PALLD: variants seen among roughly 807,000 people sequenced by gnomAD.
PALLD encodes palladin, cytoskeletal associated protein.
Under a neutral mutation model 123.5 loss-of-function variants are expected in PALLD, and 61 were observed. The ratio of observed to expected loss-of-function variants is 0.49; its 90% CI spans 0.40 to 0.61. The LOEUF (loss-of-function observed/expected upper bound fraction) is 0.61. Ranked by LOEUF, PALLD falls within the 20% of genes least tolerant of loss-of-function variation. The pLI is 0.00. For missense variants in PALLD, 1,273 were observed against 1,377.0 expected, an observed-to-expected ratio of 0.92 and a Z score of 1.20; for synonymous variants, 465 against 496.4, an observed-to-expected ratio of 0.94 and a Z score of 0.84.
chr4:168,711,627 T>C lies in PALLD; in HGVS notation c.1668T>C (p.Asn556=). The C allele has an allele frequency of 6.2e-7, 1 of 1,614,142 alleles. No homozygotes were observed. Among genetic ancestry groups the C allele is most frequent in the Non-Finnish European group, 8.5e-7 (1 of 1,180,012 alleles). Residue 556 remains asparagine (N), a synonymous_variant, in exon 10 of 22, where the codon AAT becomes AAC. Transcript: ENST00000505667. ...ACGAGTCAATGGGAGAATCCAACAA[T>C]GACCACTTCCAACACTTTCCACCTC... ...CSYESMGESN[N]DHFQHFPPPP...
intron 17 of PALLD, among the ~76,000 whole-genome samples, chr4:168,917,383 G>T (rs920040014): frequency 1.3e-5 from 2 of 152,108 alleles, no homozygotes; most frequent in Admixed American, 1.3e-4. Context: ...TCCTTGGGTA[G>T]GCAGGCTTCA....
At chr4:168,552,405 A>G (rs62335466) in intron 2 of PALLD, among the ~76,000 whole-genome samples, 17,834 of 152,116 alleles carry the variant, frequency 0.12, 1,427 homozygotes, top group South Asian at 0.17. Flanking sequence ...GCTGCAGGAA[A>G]ATGAATCCCT....
intron 3 of PALLD, among the ~76,000 whole-genome samples, chr4:168,669,770 C>T (rs987700410): frequency 2.0e-5 from 3 of 151,314 alleles, no homozygotes; most frequent in African/African-American, 4.9e-5. Flanking sequence ...TATGTAGTAA[C>T]AACTAATACT....
chr4:168,775,552 T>G (rs530384192), intron 10 of PALLD, among the ~76,000 whole-genome samples: 29 of 152,320 alleles, frequency 1.9e-4, no homozygotes, highest in Non-Finnish European at 3.1e-4. Flanking sequence ...TGAAGTCAAA[T>G]TTATCAACTT....
intron 10 of PALLD, among the ~76,000 whole-genome samples, chr4:168,726,044 A>G (rs1466953520): frequency 6.6e-6 from 1 of 152,138 alleles, no homozygotes; most frequent in African/African-American, 2.4e-5. Context: ...TCACAAAACA[A>G]TTTTACACAG....
At chr4:168,768,596 C>G (rs778039864) in intron 10 of PALLD, among the ~76,000 whole-genome samples, 1 of 152,054 alleles carries the variant, frequency 6.6e-6, no homozygotes, top group Non-Finnish European at 1.5e-5. Context: ...TCACATAGAC[C>G]CAATTTATTT....
intron 17 of PALLD, 44 bp downstream of exon 17, chr4:168,916,071 C>T (rs1451171182): frequency 6.4e-7 from 1 of 1,568,468 alleles, no homozygotes; most frequent in Admixed American, 1.7e-5. Flanking sequence ...CCCCACTTCT[C>T]CCTCACTTGC....
chr4:168,715,959 A>G (rs911324683), intron 10 of PALLD, among the ~76,000 whole-genome samples: 1 of 152,146 alleles, frequency 6.6e-6, no homozygotes, highest in Non-Finnish European at 1.5e-5. Context: ...CAAAAAAAAA[A>G]AAGTCAAAAC....
intron 2 of PALLD, among the ~76,000 whole-genome samples, chr4:168,521,011 CAAT>C (rs975785760): frequency 3.3e-5 from 5 of 151,934 alleles, no homozygotes; most frequent in African/African-American, 1.2e-4. Context: ...AACAAGAAAA[CAAT>C]AAACACCAAA....
chr4:168,588,468 C>T (rs942733233), intron 2 of PALLD, among the ~76,000 whole-genome samples: 8 of 151,936 alleles, frequency 5.3e-5, no homozygotes, highest in South Asian at 4.2e-4. Flanking sequence ...CAGTGGCGTG[C>T]TCACCTCACT....
intron 2 of PALLD, among the ~76,000 whole-genome samples, chr4:168,612,830 G>A (rs915143796): frequency 2.0e-5 from 3 of 152,188 alleles, no homozygotes; most frequent in African/African-American, 7.2e-5. Context: ...AAAAAGGGCA[G>A]TGCAGAATGC....
chr4:168,848,428 C>G (rs1227442294), intron 10 of PALLD, among the ~76,000 whole-genome samples: 2 of 152,076 alleles, frequency 1.3e-5, no homozygotes, highest in Non-Finnish European at 2.9e-5. Context: ...GAGAGTGTGC[C>G]GAATGCACTG....
At chr4:168,675,323 T>C (rs948582807) in intron 3 of PALLD, among the ~76,000 whole-genome samples, 1 of 152,172 alleles carries the variant, frequency 6.6e-6, no homozygotes. Context: ...CAGGTCCTGT[T>C]AGACACAGGT....
chr4:168,505,933 C>T (rs988371618), intron 1 of PALLD: 19 of 152,210 alleles, frequency 1.2e-4, no homozygotes, highest in African/African-American at 4.3e-4. Flanking sequence ...GTTGCAACTA[C>T]TCAACTCTGA....
At chr4:168,499,627 C>A (rs1380010958) in intron 1 of PALLD, among the ~76,000 whole-genome samples, 1 of 151,946 alleles carries the variant, frequency 6.6e-6, no homozygotes, top group Non-Finnish European at 1.5e-5. Context: ...AACAAAAGAT[C>A]CCCCTGCATG....
chr4:168,499,341 GGC>G (rs1761141297), intron 1 of PALLD, among the ~76,000 whole-genome samples: 1 of 103,936 alleles, frequency 9.6e-6, no homozygotes, highest in Non-Finnish European at 2.0e-5. Context: ...GGGGAAGGGA[GGC>G]AGAAGGGAGG....
At chr4:168,751,347 A>G (rs1292833994) in intron 10 of PALLD, among the ~76,000 whole-genome samples, 1 of 152,166 alleles carries the variant, frequency 6.6e-6, no homozygotes, top group Admixed American at 6.5e-5. Context: ...CCGGCAGTAT[A>G]ATATATGCTA....
chr4:168,649,231 C>A (rs1331200221), intron 2 of PALLD, among the ~76,000 whole-genome samples: 1 of 152,172 alleles, frequency 6.6e-6, no homozygotes, highest in African/African-American at 2.4e-5. Flanking sequence ...ATGAGATAAT[C>A]GCTGGCTGGT....
At chr4:168,804,529 G>C (rs1739856596) in intron 10 of PALLD, among the ~76,000 whole-genome samples, 1 of 152,160 alleles carries the variant, frequency 6.6e-6, no homozygotes, top group African/African-American at 2.4e-5. Context: ...CTGGCTCATG[G>C]TGATGACAAA....
Sources: gnomAD v4.1 joint callset for allele counts (sites outside exome capture counted in the v4.1 genomes callset) on GRCh38, gnomAD v4.1.1 for gene constraint, MANE v1.5 for transcripts, NCBI Gene and HGNC (gene_info 2026-07-23, HGNC 2026-07-21) for gene names.